Variants in CDH13 observed in about 807,000 individuals in gnomAD.
The protein encoded by CDH13 is cadherin-13.
In CDH13, 24 loss-of-function variants were observed where a neutral mutation model predicts 63.8. The observed-to-expected ratio is 0.38, with a 90% confidence interval of 0.27 to 0.53. The LOEUF (loss-of-function observed/expected upper bound fraction) is 0.53. Ranked by LOEUF, CDH13 falls within the 20% of genes least tolerant of loss-of-function variation. The pLI is 0.85. For synonymous variants in CDH13, 503 were observed against 355.3 expected, an observed-to-expected ratio of 1.42 and a Z score of -4.67; for missense variants, 1,049 against 903.1, an observed-to-expected ratio of 1.16 and a Z score of -2.07.
At chr16:83,251,082 C>G (rs189561476) in intron 5 of CDH13, among the ~76,000 whole-genome samples, 1 of 151,990 alleles carries the variant, frequency 6.6e-6, no homozygotes, top group Non-Finnish European at 1.5e-5. Flanking sequence ...TAATGAAAGC[C>G]ACAACCCAGG....
intron 1 of CDH13, among the ~76,000 whole-genome samples, chr16:82,709,745 G>A (rs62036345): frequency 0.03 from 4,527 of 152,254 alleles, 104 homozygotes; most frequent in South Asian, 0.086. Context: ...GAGGATGCAG[G>A]AGCTTCCATT....
chr16:82,826,719 A>C (rs2151104925), intron 1 of CDH13: 1 of 152,334 alleles, frequency 6.6e-6, no homozygotes, highest in South Asian at 2.1e-4. Flanking sequence ...TTGTTCCATA[A>C]GCTTTTTTGA....
At chr16:82,888,815 C>T (rs2040980220) in intron 2 of CDH13, among the ~76,000 whole-genome samples, 1 of 152,158 alleles carries the variant, frequency 6.6e-6, no homozygotes, top group Non-Finnish European at 1.5e-5. Flanking sequence ...TTGCCATTTG[C>T]CTCTGTCTTC....
intron 6 of CDH13, among the ~76,000 whole-genome samples, chr16:83,441,704 A>G (rs542673734): frequency 1.3e-4 from 20 of 152,228 alleles, no homozygotes; most frequent in African/African-American, 4.8e-4. Context: ...CAGTGAAATG[A>G]CTTCATTTCC....
At chr16:83,244,691 G>A (rs553894095) in intron 5 of CDH13, among the ~76,000 whole-genome samples, 46 of 152,230 alleles carry the variant, frequency 3.0e-4, no homozygotes, top group Non-Finnish European at 2.9e-4. Flanking sequence ...AAGATTCCAA[G>A]CAAAATCAGC....
chr16:83,052,883 G>T (rs1436005386), intron 3 of CDH13, among the ~76,000 whole-genome samples: 3 of 150,978 alleles, frequency 2.0e-5, no homozygotes, highest in Admixed American at 6.6e-5. Context: ...ATTTTATAAA[G>T]CGGTGATTGG....
chr16:82,967,344 G>T (rs745995476), intron 2 of CDH13, among the ~76,000 whole-genome samples: 5 of 151,816 alleles, frequency 3.3e-5, no homozygotes, highest in Non-Finnish European at 5.9e-5. Context: ...AACTTGAATT[G>T]TATAACAAAT....
At chr16:83,035,652 A>T (rs1410976916) in intron 3 of CDH13, among the ~76,000 whole-genome samples, 3 of 152,136 alleles carry the variant, frequency 2.0e-5, no homozygotes, top group Non-Finnish European at 2.9e-5. Flanking sequence ...CATGAGCTGG[A>T]CTTTGAAGGA....
chr16:83,074,151 A>T (rs1476762907), intron 3 of CDH13, among the ~76,000 whole-genome samples: 2 of 152,112 alleles, frequency 1.3e-5, no homozygotes, highest in African/African-American at 4.8e-5. Flanking sequence ...CAGACCGACA[A>T]ACATCTGCAT....
intron 2 of CDH13, among the ~76,000 whole-genome samples, chr16:82,865,471 C>T (rs2040097363): frequency 1.3e-5 from 2 of 152,242 alleles, no homozygotes; most frequent in African/African-American, 4.8e-5. Context: ...AGGCCCAACA[C>T]CACGTGTAAT....
intron 1 of CDH13, among the ~76,000 whole-genome samples, chr16:82,792,053 C>T (rs1039614346): frequency 1.3e-5 from 2 of 152,162 alleles, no homozygotes; most frequent in African/African-American, 4.8e-5. Context: ...CCGCTGCTGT[C>T]CCCTCCTTTT....
At position 83,195,537 on chromosome 16, in the gene CDH13, A is replaced by G. The variant is rs548572807; in HGVS notation, c.484-21808A>G. Among the ~76,000 whole-genome samples the G allele has an allele frequency of 1.5e-3, 233 of 152,220 alleles. 2 individuals are homozygous for G. Among genetic ancestry groups the G allele is most frequent in the African/African-American group, 5.4e-3 (225 of 41,530 alleles). ...AGGTGCTATACAGTTTCAAACAACC[A>G]GATCTCCTGAGAACTCTATCACGAG... On this transcript the variant is annotated intron_variant, in intron 4 of 13. Coordinates refer to ENST00000567109, the MANE Select transcript of CDH13 (RefSeq NM_001257.5).
At chr16:82,889,920 T>A (rs1202442356) in intron 2 of CDH13, among the ~76,000 whole-genome samples, 1 of 152,248 alleles carries the variant, frequency 6.6e-6, no homozygotes, top group Non-Finnish European at 1.5e-5. Flanking sequence ...CTTTGGAAAT[T>A]GGCATGGGCC....
intron 1 of CDH13, among the ~76,000 whole-genome samples, chr16:82,856,739 A>G (rs12448722): frequency 0.097 from 14,304 of 148,116 alleles, 840 homozygotes; most frequent in Admixed American, 0.16. Flanking sequence ...TTAAAAGTCA[A>G]AAAAAATAGA....
At chr16:83,557,926 G>A (rs2075634381) in intron 7 of CDH13, among the ~76,000 whole-genome samples, 1 of 152,104 alleles carries the variant, frequency 6.6e-6, no homozygotes, top group African/African-American at 2.4e-5. Context: ...AAGGGTCTCT[G>A]GGGTGAAGGG....
At chr16:83,665,402 C>G (rs538154448) in intron 8 of CDH13, among the ~76,000 whole-genome samples, 25 of 152,120 alleles carry the variant, frequency 1.6e-4, no homozygotes, top group Non-Finnish European at 2.6e-4. Context: ...TGCCAAGCTC[C>G]TTAAATGCAT....
At chr16:83,377,725 G>T (rs756334285) in intron 6 of CDH13, among the ~76,000 whole-genome samples, 59 of 152,240 alleles carry the variant, frequency 3.9e-4, no homozygotes, top group Middle Eastern at 3.4e-3. Flanking sequence ...CATTTCTTGA[G>T]AACTGTAACC....
chr16:83,387,942 G>C (rs1567636286), intron 6 of CDH13, among the ~76,000 whole-genome samples: 2 of 152,056 alleles, frequency 1.3e-5, no homozygotes, highest in South Asian at 4.2e-4. Flanking sequence ...CTGTAGTGCT[G>C]GGTTTTTACT....
chr16:83,288,890 G>A (rs2089394066), intron 5 of CDH13, among the ~76,000 whole-genome samples: 1 of 152,178 alleles, frequency 6.6e-6, no homozygotes, highest in Admixed American at 6.5e-5. Context: ...AGTGGTATTT[G>A]CATCCTTTTG....
Sources: gnomAD v4.1 joint callset for allele counts (sites outside exome capture counted in the v4.1 genomes callset) on GRCh38, gnomAD v4.1.1 for gene constraint, MANE v1.5 for transcripts, NCBI Gene and HGNC (gene_info 2026-07-23, HGNC 2026-07-21) for gene names.